Variants in TMEM45B observed in about 807,000 individuals in gnomAD.
The protein encoded by TMEM45B is transmembrane protein 45B.
In TMEM45B, 29 loss-of-function variants were observed where a neutral mutation model predicts 27.3. That is an observed-to-expected ratio of 1.06 (90% CI 0.79 to 1.45). The LOEUF (loss-of-function observed/expected upper bound fraction) is 1.45, where lower values mean the gene tolerates loss of function less well. Ranked by LOEUF, TMEM45B falls within the 40% of genes most tolerant of loss-of-function variation. The probability of loss-of-function intolerance (pLI) is 0.00; values close to 1 mark genes in which losing one functional copy is unlikely to be tolerated. For missense variants in TMEM45B, 348 were observed against 343.9 expected (o/e 1.01, Z -0.09); for synonymous variants, 143 against 134.7 (o/e 1.06, Z -0.43).
intron 2 of TMEM45B, chr11:129,852,952 CAAAT>C (rs1222478973): frequency 1.9e-5 from 5 of 263,556 alleles, no homozygotes; most frequent in South Asian, 1.5e-4. Context: ...AGATATGACA[CAAAT>C]AAAAAGAGAA....
At chr11:129,836,399 G>C (rs1253693881) in intron 1 of TMEM45B, among the ~76,000 whole-genome samples, 1 of 152,180 alleles carries the variant, frequency 6.6e-6, no homozygotes, top group Non-Finnish European at 1.5e-5. Context: ...TCTGGGTTAA[G>C]ACTTTTGGCA....
intron 1 of TMEM45B, among the ~76,000 whole-genome samples, chr11:129,832,048 A>G (rs1179440918): frequency 8.2e-6 from 1 of 122,544 alleles, no homozygotes; most frequent in African/African-American, 3.1e-5. Flanking sequence ...CCTGGGCGAC[A>G]GAGCGAGATT....
intron 1 of TMEM45B, among the ~76,000 whole-genome samples, chr11:129,836,884 G>T (rs1048561305): frequency 6.6e-6 from 1 of 152,056 alleles, no homozygotes; most frequent in Non-Finnish European, 1.5e-5. Flanking sequence ...AGAAACCTGG[G>T]AAACATCGTG....
intron 1 of TMEM45B, among the ~76,000 whole-genome samples, chr11:129,849,546 G>T (rs923703380): frequency 6.6e-6 from 1 of 152,196 alleles, no homozygotes; most frequent in African/African-American, 2.4e-5. Flanking sequence ...CTCTGCTCGG[G>T]CCCTGAGGTC....
At chr11:129,826,746 C>T (rs1172481262) in intron 1 of TMEM45B, among the ~76,000 whole-genome samples, 1 of 145,748 alleles carries the variant, frequency 6.9e-6, no homozygotes, top group East Asian at 2.1e-4. Flanking sequence ...CTCGATCTGT[C>T]ACCCAGGCTG....
rs55905045 is a variant in TMEM45B at position 129,840,946 on chromosome 11, T to TAAAAAAAAAA, written c.-8-11514_-8-11505dup. ...CAAAGAGGCAGGCAATTTCTTTCTG[T>TAAAAAAAAAA]AAAAAAAAAAAAAAAAAAAAAAAAG... On this transcript the variant is annotated intron_variant, in intron 1 of 5. Transcript: ENST00000281441. 5.8e-4 allele frequency among the ~76,000 whole-genome samples: 17 copies of TAAAAAAAAAA among 29,274 alleles called. 1 individual carries two copies. Among genetic ancestry groups the TAAAAAAAAAA allele is most frequent in the African/African-American group, 1.9e-3 (17 of 8,834 alleles). The allele number at this position is 29,274 out of a possible 152,430, so 19.2% of individuals were successfully genotyped here.
In TMEM45B at chr11:129,822,904, G is replaced by A. The variant is rs200048356; in HGVS notation, c.-9+7006G>A. 2.8e-3 allele frequency among the ~76,000 whole-genome samples: 421 copies of A among 148,958 alleles called. 1 individual carries two copies. The highest frequency in any genetic ancestry group is 5.9e-3 in the East Asian group (30 of 5,056). ...GGCCCAGGCTGGAGTGCAGTGGCGC[G>A]ATCTCAGCTCACTGCAAGCTCCGCC... On this transcript the variant is annotated intron_variant, in intron 1 of 5. Transcript: ENST00000281441.
intron 1 of TMEM45B, among the ~76,000 whole-genome samples, chr11:129,840,888 TA>T (rs1947680825): frequency 9.0e-6 from 1 of 111,158 alleles, no homozygotes; most frequent in African/African-American, 3.6e-5. Context: ...CAAAAAATAA[TA>T]ACGAGGAGAA....
chr11:129,823,803 A>G (rs1415852902), intron 1 of TMEM45B, among the ~76,000 whole-genome samples: 1 of 152,160 alleles, frequency 6.6e-6, no homozygotes, highest in Non-Finnish European at 1.5e-5. Flanking sequence ...GGTTATCACC[A>G]ACCACCCTGC....
intron 1 of TMEM45B, among the ~76,000 whole-genome samples, chr11:129,841,561 T>G (rs1947692609): frequency 6.6e-6 from 1 of 151,158 alleles, no homozygotes; most frequent in South Asian, 2.1e-4. Context: ...GTTGGAAGTG[T>G]AATGGGCTTG....
intron 1 of TMEM45B, among the ~76,000 whole-genome samples, chr11:129,849,894 C>A (rs1327510118): frequency 6.6e-6 from 1 of 152,162 alleles, no homozygotes; most frequent in African/African-American, 2.4e-5. Context: ...CCTTTGGGGT[C>A]ATTCTCCGAA....
At chr11:129,837,777 CTT>C (rs1159669879) in intron 1 of TMEM45B, among the ~76,000 whole-genome samples, 7,793 of 68,986 alleles carry the variant, frequency 0.11, 146 homozygotes, top group Admixed American at 0.13. Flanking sequence ...AGGCTAGTTT[CTT>C]TTTTTTTTTT....
intron 2 of TMEM45B, 27 bp downstream of exon 2, chr11:129,852,687 G>A (rs765909443): frequency 8.9e-6 from 14 of 1,580,498 alleles, no homozygotes; most frequent in Non-Finnish European, 1.1e-5. Flanking sequence ...TTTGGTCTAG[G>A]GAATCTCCTC....
intron 1 of TMEM45B, among the ~76,000 whole-genome samples, chr11:129,835,759 T>C (rs938685713): frequency 2.0e-5 from 3 of 152,164 alleles, no homozygotes; most frequent in Admixed American, 1.3e-4. Flanking sequence ...GTGATGGCCC[T>C]GGAAGGCAGG....
At chr11:129,838,490 T>A (rs780064395) in intron 1 of TMEM45B, among the ~76,000 whole-genome samples, 2 of 152,154 alleles carry the variant, frequency 1.3e-5, no homozygotes, top group African/African-American at 2.4e-5. Flanking sequence ...TGAGACGGAG[T>A]TTCGCTCTTG....
chr11:129,822,759 A>T (rs1435799265), intron 1 of TMEM45B, among the ~76,000 whole-genome samples: 1 of 152,222 alleles, frequency 6.6e-6, no homozygotes, highest in Non-Finnish European at 1.5e-5. Context: ...CTAGGGAATG[A>T]AAACTCTTTG....
intron 1 of TMEM45B, among the ~76,000 whole-genome samples, chr11:129,848,295 G>A (rs1003939510): frequency 2.0e-5 from 3 of 152,280 alleles, no homozygotes; most frequent in Non-Finnish European, 2.9e-5. Flanking sequence ...CGGATCACTC[G>A]CGGTTAGGAG....
In TMEM45B at chr11:129,859,713, G is replaced by A. The variant is rs113614716; in HGVS notation, c.*1028G>A. On this transcript the variant is annotated 3_prime_UTR_variant, in exon 6 of 6. Transcript: ENST00000281441. Reference sequence around the variant, plus strand: ...CGGGCGCCTGTAGTTCCAGCTACTCGGGAGGCTGAGGCAAGAGAATGGCAT... The same window carrying A: ...CGGGCGCCTGTAGTTCCAGCTACTCAGGAGGCTGAGGCAAGAGAATGGCAT... 16,501 of 152,108 alleles carry A rather than the reference G, an allele frequency of 0.11. 1,095 individuals are homozygous for A. The highest frequency in any genetic ancestry group is 0.33 in the East Asian group (1,675 of 5,152). The allele number at this position is 152,108 out of a possible 1,614,324, so 9.4% of individuals were successfully genotyped here.
chr11:129,854,979 G>A lies in TMEM45B; in HGVS notation c.385+163G>A, dbSNP rs117287980. Among the ~76,000 whole-genome samples the A allele has an allele frequency of 1.0e-3, 153 of 152,308 alleles. 1 individual carries two copies. The East Asian group carries it at 0.027, about 27-fold the overall frequency. ...TGAATAGGACCTAGTGCTCTACTCT[G>A]GATGGGCCAGGTGACATATTCCCTA... On this transcript the variant is annotated intron_variant, in intron 3 of 5. Coordinates refer to ENST00000281441, the MANE Select transcript of TMEM45B (RefSeq NM_138788.5).
Sources: allele counts gnomAD v4.1 joint callset (sites outside exome capture counted in the v4.1 genomes callset), GRCh38; gene constraint gnomAD v4.1.1; transcripts MANE v1.5; gene names NCBI Gene and HGNC (gene_info 2026-07-23, HGNC 2026-07-21).